SLC23A2: variants seen among roughly 807,000 people sequenced by gnomAD.
SLC23A2 encodes solute carrier family 23 member 2.
Under a neutral mutation model 73.3 loss-of-function variants are expected in SLC23A2, and 36 were observed. That is an observed-to-expected ratio of 0.49 (90% CI 0.38 to 0.65). The LOEUF is 0.65. SLC23A2 is among the 30% of genes least tolerant of loss of function. The probability of loss-of-function intolerance (pLI) is 0.00; values close to 1 mark genes in which losing one functional copy is unlikely to be tolerated. For missense variants in SLC23A2, 507 were observed against 841.6 expected (o/e 0.60, Z 4.92); for synonymous variants, 343 against 327.3 (o/e 1.05, Z -0.52).
At position 4,970,845 on chromosome 20, in the gene SLC23A2, G is replaced by A. The variant is rs1287496055; in HGVS notation, c.-207C>T. ...TATGCTTTCCATTACAATTCGCTGAGTTACATTTGCTTATGCACCAAGGTC... is the reference window on the plus strand; with the variant it reads ...TATGCTTTCCATTACAATTCGCTGAATTACATTTGCTTATGCACCAAGGTC... On this transcript the variant is annotated 5_prime_UTR_variant, in exon 2 of 17. Transcript: ENST00000338244. 1.3e-5 allele frequency: 2 copies of A among 152,234 alleles called. No homozygotes were observed. Among genetic ancestry groups the A allele is most frequent in the Admixed American group, 1.3e-4 (2 of 15,274 alleles). 9.4% of individuals were successfully genotyped at this position (152,234 alleles called of 1,614,324 possible).
intron 3 of SLC23A2, among the ~76,000 whole-genome samples, chr20:4,922,822 C>T (rs1422143298): frequency 1.4e-5 from 2 of 146,636 alleles, no homozygotes; most frequent in African/African-American, 4.9e-5. Flanking sequence ...ACAGCAAGAC[C>T]GTGTCTTTAA....
chr20:4,991,720 T>TCACACACACACA (rs11471369), intron 1 of SLC23A2, among the ~76,000 whole-genome samples: 36 of 139,424 alleles, frequency 2.6e-4, no homozygotes, highest in East Asian at 2.2e-4. Context: ...AGACTCCGTT[T>TCACACACACACA]CACACACACA....
At chr20:4,971,853 A>G (rs1313929625) in intron 1 of SLC23A2, among the ~76,000 whole-genome samples, 3 of 152,112 alleles carry the variant, frequency 2.0e-5, no homozygotes, top group South Asian at 2.1e-4. Flanking sequence ...TTTAAACTCC[A>G]TATTCCCTAG....
At chr20:4,982,903 C>T (rs763854755) in intron 1 of SLC23A2, among the ~76,000 whole-genome samples, 2 of 151,516 alleles carry the variant, frequency 1.3e-5, no homozygotes, top group African/African-American at 2.4e-5. Context: ...GTCGGGAATT[C>T]GAGACCAATC....
chr20:4,961,425 C>T lies in SLC23A2; in HGVS notation c.-155+9368G>A, dbSNP rs182570556. On this transcript the variant is annotated intron_variant, in intron 2 of 16. Coordinates refer to ENST00000338244, the MANE Select transcript of SLC23A2 (RefSeq NM_005116.6). ...CAAATAAATTTTACGCCCTCTTTATCTCCAATCCCCCAGAGTGGGGCCTAT... is the reference window on the plus strand; with the variant it reads ...CAAATAAATTTTACGCCCTCTTTATTTCCAATCCCCCAGAGTGGGGCCTAT... Among the ~76,000 whole-genome samples the T allele has an allele frequency of 3.0e-4, 46 of 152,274 alleles. 1 individual carries two copies. The highest frequency in any genetic ancestry group is 9.6e-4 in the African/African-American group (40 of 41,556).
In SLC23A2 at chr20:4,853,516, G is replaced by C. The variant is rs953655187; in HGVS notation, c.*3456C>G. On this transcript the variant is annotated 3_prime_UTR_variant, in exon 17 of 17. Coordinates refer to ENST00000338244, the MANE Select transcript of SLC23A2 (RefSeq NM_005116.6). ...GTAAATAAAGTATACACACATACTA[G>C]AGATTCATCAATGGAGAAATTCTAT... The C allele has an allele frequency of 1.3e-5, 2 of 152,636 alleles. No homozygotes were observed. The highest frequency in any genetic ancestry group is 2.4e-5 in the African/African-American group (1 of 41,438). The allele number at this position is 152,636 out of a possible 1,614,324, so 9.5% of individuals were successfully genotyped here.
chr20:4,941,060 G>A (rs942655190), intron 2 of SLC23A2, among the ~76,000 whole-genome samples: 2 of 152,074 alleles, frequency 1.3e-5, no homozygotes, highest in South Asian at 4.2e-4. Context: ...GGAGGCTGAG[G>A]CACAAGAATC....
intron 6 of SLC23A2, among the ~76,000 whole-genome samples, chr20:4,898,400 G>A (rs991558040): frequency 2.6e-5 from 4 of 152,220 alleles, no homozygotes; most frequent in Non-Finnish European, 4.4e-5. Context: ...CCCGTGCCGC[G>A]TTAGGGCAAC....
In SLC23A2 at chr20:4,947,673, C is replaced by A. The variant is rs548427042; in HGVS notation, c.-154-14957G>T. On this transcript the variant is annotated intron_variant, in intron 2 of 16. Transcript: ENST00000338244. The surrounding 1 kb of genome is among the most constrained non-coding windows in gnomAD (Gnocchi z 4.4). ...GGAGCACAGAGAGGTTGATTTATCT[C>A]TGCAAAAAAGCTCAGGGCCAATGTT... is the stretch of plus-strand genomic sequence containing the variant. 2.4e-3 allele frequency among the ~76,000 whole-genome samples: 365 copies of A among 152,262 alleles called. 1 individual carries two copies. The highest frequency in any genetic ancestry group is 3.3e-3 in the Non-Finnish European group (226 of 68,010).
chr20:4,993,410 G>GAA (rs3055956), intron 1 of SLC23A2, among the ~76,000 whole-genome samples: 11 of 121,520 alleles, frequency 9.1e-5, no homozygotes, highest in African/African-American at 2.7e-4. Flanking sequence ...GCCAAAATCC[G>GAA]AAAAAAAAAA....
intron 3 of SLC23A2, among the ~76,000 whole-genome samples, chr20:4,927,783 T>C (rs1218539362): frequency 1.3e-5 from 2 of 152,110 alleles, no homozygotes; most frequent in Non-Finnish European, 2.9e-5. Flanking sequence ...ACCTCTGTTC[T>C]TACTATTCCC....
chr20:4,984,485 G>A (rs2087789389), intron 1 of SLC23A2, among the ~76,000 whole-genome samples: 1 of 151,838 alleles, frequency 6.6e-6, no homozygotes, highest in African/African-American at 2.4e-5. Context: ...CCTGGCAGGC[G>A]GAGCTTGCAG....
At chr20:4,969,336 G>A (rs145439106) in intron 2 of SLC23A2, among the ~76,000 whole-genome samples, 3,087 of 151,802 alleles carry the variant, frequency 0.02, 105 homozygotes, top group South Asian at 0.14. Flanking sequence ...TGATCCGCCC[G>A]CCTCAGCTTC....
At chr20:4,937,728 C>G (rs2086981808) in intron 2 of SLC23A2, among the ~76,000 whole-genome samples, 1 of 152,172 alleles carries the variant, frequency 6.6e-6, no homozygotes, top group South Asian at 2.1e-4. Context: ...CATAAAACTG[C>G]CCTTTAAATG....
intron 2 of SLC23A2, among the ~76,000 whole-genome samples, chr20:4,957,448 G>A (rs148708117): frequency 3.6e-4 from 55 of 151,788 alleles, no homozygotes; most frequent in African/African-American, 1.2e-3. Flanking sequence ...ATGACAGAGC[G>A]ACACTATCTC....
chr20:4,964,185 G>A (rs1310545322), intron 2 of SLC23A2, among the ~76,000 whole-genome samples: 5 of 151,938 alleles, frequency 3.3e-5, no homozygotes, highest in Non-Finnish European at 5.9e-5. Context: ...GGTAGAGATG[G>A]GGTCTCCCCA....
chr20:4,940,840 G>A (rs2122961290), intron 2 of SLC23A2, among the ~76,000 whole-genome samples: 2 of 152,274 alleles, frequency 1.3e-5, no homozygotes, highest in East Asian at 3.9e-4. Context: ...GCGGTCAATG[G>A]AGAACTGACT....
At chr20:4,943,326 A>C (rs960369489) in intron 2 of SLC23A2, among the ~76,000 whole-genome samples, 2 of 152,048 alleles carry the variant, frequency 1.3e-5, no homozygotes, top group Non-Finnish European at 2.9e-5. Context: ...CCAGAATAAG[A>C]ATCAGTGGCT....
chr20:5,008,677 TC>T (rs1222820827), intron 1 of SLC23A2, among the ~76,000 whole-genome samples: 1 of 152,110 alleles, frequency 6.6e-6, no homozygotes, highest in East Asian at 1.9e-4. Context: ...GGACCTCTCT[TC>T]CCTGCCTCGA....
Sources: gnomAD v4.1 joint callset for allele counts (sites outside exome capture counted in the v4.1 genomes callset) on GRCh38, gnomAD v4.1.1 for gene constraint, Gnocchi (gnomAD v3.1) non-coding constraint, MANE v1.5 for transcripts, NCBI Gene and HGNC (gene_info 2026-07-23, HGNC 2026-07-21) for gene names.